Variants in CASKIN1 observed in about 807,000 individuals in gnomAD.
CASKIN1 encodes caskin-1.
CASKIN1 carries 42 observed loss-of-function variants against 117.5 expected under a neutral mutation model. The observed-to-expected ratio is 0.36, with a 90% confidence interval of 0.28 to 0.46. The LOEUF (loss-of-function observed/expected upper bound fraction) is 0.46, where lower values mean the gene tolerates loss of function less well. Ranked by LOEUF, CASKIN1 falls within the 20% of genes least tolerant of loss-of-function variation. CASKIN1 has a pLI of 1.00. For missense variants in CASKIN1, 2,083 were observed against 2,077.3 expected, an observed-to-expected ratio of 1.00 and a Z score of -0.05; for synonymous variants, 1,148 against 961.7, an observed-to-expected ratio of 1.19 and a Z score of -3.59.
rs2093186809 is a variant in CASKIN1, at chr16:2,186,995, C to T, written c.913G>A (p.Ala305Thr). 1 of 1,613,826 alleles carries T rather than the reference C, an allele frequency of 6.2e-7. No homozygotes were observed. The highest frequency in any genetic ancestry group is 8.5e-7 in the Non-Finnish European group (1 of 1,179,914). The change falls in exon 9 of 20, where the codon GCA becomes ACA. Residue 305 changes from alanine to threonine, a missense_variant. Ala to Thr is a moderately conservative substitution (Grantham distance 58). Coordinates refer to ENST00000343516, the MANE Select transcript of CASKIN1 (RefSeq NM_020764.4). The part of the protein sequence containing the change: ...NYDLTSLNVK[A>T]GDIITVLEQH... ...ATGCTTACTGTGATGATGTCCCCTG[C>T]CTTCACGTTGAGGCTGGTCAGGTCG...
At chr16:2,194,012 G>A (rs1487058493) in intron 1 of CASKIN1, among the ~76,000 whole-genome samples, 4 of 152,046 alleles carry the variant, frequency 2.6e-5, no homozygotes, top group East Asian at 1.9e-4. Flanking sequence ...CCCTCTCCAC[G>A]AGGTCCCTAA....
chr16:2,186,002 G>C (rs915759897), intron 10 of CASKIN1, among the ~76,000 whole-genome samples: 2 of 151,730 alleles, frequency 1.3e-5, no homozygotes, highest in African/African-American at 4.8e-5. Flanking sequence ...TTTTTTTTGA[G>C]ACAGGGTCTT....
chr16:2,195,032 C>T (rs1308416875), intron 1 of CASKIN1, among the ~76,000 whole-genome samples: 2 of 152,230 alleles, frequency 1.3e-5, no homozygotes, highest in Non-Finnish European at 2.9e-5. Context: ...CAAGGTCATG[C>T]GGCCACTAGG....
In CASKIN1 at chr16:2,187,269, C is replaced by T; in HGVS notation, c.732G>A (p.Gly244=). 5 of 1,614,042 alleles carry T rather than the reference C, an allele frequency of 3.1e-6. No individual in the cohort carries two copies. Among genetic ancestry groups the T allele is most frequent in the Non-Finnish European group, 4.2e-6 (5 of 1,179,962 alleles). ...TEVVRLLLDS[G]INAHVRNTYS... ...AGGTGTTCCTCACGTGGGCATTGAT[C>T]CCGCTCTGCACATGTGAGAGATGAG... The change falls in exon 8 of 20, where the codon GGG becomes GGA. Residue 244 remains glycine (G), a synonymous_variant. Transcript: ENST00000343516.
At chr16:2,188,808 G>A (rs976374135) in intron 6 of CASKIN1, 22 of 595,538 alleles carry the variant, frequency 3.7e-5, no homozygotes, top group Non-Finnish European at 5.7e-5. Context: ...ACCCAGGAGC[G>A]GTGGGGCTGG....
At chr16:2,193,865 A>T (rs529090064) in intron 1 of CASKIN1, among the ~76,000 whole-genome samples, 1 of 152,206 alleles carries the variant, frequency 6.6e-6, no homozygotes, top group Admixed American at 6.5e-5. Context: ...GACAGTGGGT[A>T]CCCAGGAAGG....
chr16:2,193,199 T>C (rs1000755858), intron 1 of CASKIN1, among the ~76,000 whole-genome samples: 5 of 152,112 alleles, frequency 3.3e-5, no homozygotes, highest in African/African-American at 1.2e-4. Context: ...GTATTTTTAG[T>C]AGAGACGGGG....
intron 10 of CASKIN1, among the ~76,000 whole-genome samples, 192 bp downstream of exon 10, chr16:2,186,515 A>G (rs1312114580): frequency 6.6e-6 from 1 of 152,170 alleles, no homozygotes; most frequent in Non-Finnish European, 1.5e-5. Flanking sequence ...TGCTTGGTAG[A>G]ACGCATAAAG....
chr16:2,179,904 T>A lies in CASKIN1; in HGVS notation c.3464A>T (p.Lys1155Met), dbSNP rs745588153. The A allele has an allele frequency of 1.2e-6, 2 of 1,605,710 alleles. No individual in the cohort carries two copies. The highest frequency in any genetic ancestry group is 1.3e-5 in the African/African-American group (1 of 74,822). Residue 1155 changes from lysine (K) to methionine (M), a missense_variant, in exon 18 of 20, where the codon AAG becomes ATG. By Grantham distance (95) the Lys-to-Met change is moderately conservative. This residue lies in a region of CASKIN1 where 1,818 missense variants were observed against 1,688.9 expected (regional missense o/e 1.08). Transcript: ENST00000343516. The surrounding 1 kb of genome is among the most constrained non-coding windows in gnomAD (Gnocchi z 5.8). ...SDTVKRRPKA[K>M]EREAGPEPPP... Reference sequence around the variant, plus strand: ...TGGCTCAGGCCCGGCCTCCCGCTCCTTGGCCTTGGGCCTGCGCTTGACCGT... The same window carrying A: ...TGGCTCAGGCCCGGCCTCCCGCTCCATGGCCTTGGGCCTGCGCTTGACCGT...
intron 14 of CASKIN1, 107 bp from the exon 15 acceptor site, chr16:2,184,048 G>T: frequency 1.5e-6 from 1 of 686,318 alleles, no homozygotes; most frequent in African/African-American, 1.8e-5. Context: ...CACTGCGTCC[G>T]CCGTCCGCTG....
At chr16:2,193,371 T>G (rs533683699) in intron 1 of CASKIN1, among the ~76,000 whole-genome samples, 113 of 152,316 alleles carry the variant, frequency 7.4e-4, no homozygotes, top group Admixed American at 3.9e-3. Flanking sequence ...CATGGGGACC[T>G]GGGAATTATG....
intron 6 of CASKIN1, 28 bp downstream of exon 6, chr16:2,188,999 C>T: frequency 6.3e-7 from 1 of 1,599,650 alleles, no homozygotes; most frequent in Non-Finnish European, 8.5e-7. Flanking sequence ...GACCCTAAGG[C>T]TGAGGCCCTC....
intron 1 of CASKIN1, 66 bp from the exon 2 acceptor site, chr16:2,190,424 G>A (rs1439714580): frequency 6.9e-7 from 1 of 1,441,038 alleles, no homozygotes; most frequent in Non-Finnish European, 9.5e-7. Context: ...CTGAGGGCAG[G>A]GAGAGGGGGC....
Position 2,196,264 on chromosome 16 carries a change from G to A in CASKIN1, c.94+75C>T, listed in dbSNP as rs2093215683. On this transcript the variant is annotated intron_variant, in intron 1 of 19. Transcript: ENST00000343516. The surrounding 1 kb of genome is among the most constrained non-coding windows in gnomAD (Gnocchi z 5.7). ...CCCGACAACGTCCCCTCCCCGCCCG[G>A]CGCCGGGTGGGGGGCTCCGCGCCGG... 1 of 580,812 alleles carries A rather than the reference G, an allele frequency of 1.7e-6. No homozygotes were observed. 36.0% of individuals were successfully genotyped at this position (580,812 alleles called of 1,614,324 possible). A position where few individuals can be genotyped will look rare whatever the true frequency, so the allele number is the denominator to read the frequency against.
chr16:2,184,800 G>T lies in CASKIN1; in HGVS notation c.1393C>A (p.Leu465Met). The change falls in exon 14 of 20, where the codon CTG (leucine) becomes ATG (methionine). Residue 465 changes from leucine (L) to methionine (M), a missense_variant. By Grantham distance (15) the Leu-to-Met change is conservative. Transcript: ENST00000343516. ...ACCTTGCCCTCCGATGCTGGCTCCA[G>T]CTTCTTGGGCGGCTGCTCCCCATAG... ...QVYGEQPPKK[L>M]EPASEGKSSE... 1 of 1,532,760 alleles carries T rather than the reference G, an allele frequency of 6.5e-7. No individual in the cohort carries two copies. Among genetic ancestry groups the T allele is most frequent in the Non-Finnish European group, 8.8e-7 (1 of 1,139,768 alleles). 94.9% of individuals were successfully genotyped at this position (1,532,760 alleles called of 1,614,324 possible). A position where few individuals can be genotyped will look rare whatever the true frequency, so the allele number is the denominator to read the frequency against.
chr16:2,181,141 G>C lies in CASKIN1; in HGVS notation c.2227C>G (p.Arg743Gly), dbSNP rs763636003. ...PAPGTPPREA[R>G]PGRHGHSIKR... ...ATGCTGTGGCCGTGGCGGCCGGGCC[G>C]GGCCTCCCTGGGCGGGGTGCCGGGG... is the stretch of plus-strand genomic sequence containing the variant. Residue 743 changes from arginine (R) to glycine (G), a missense_variant, in exon 18 of 20, where the codon CGG becomes GGG. Physicochemically the swap from Arg to Gly is moderately radical, Grantham distance 125. Transcript: ENST00000343516. The C allele has an allele frequency of 6.7e-7, 1 of 1,482,382 alleles. No homozygotes were observed. Among genetic ancestry groups the C allele is most frequent in the Non-Finnish European group, 8.9e-7 (1 of 1,126,152 alleles). 91.8% of individuals were successfully genotyped at this position (1,482,382 alleles called of 1,614,324 possible). A position where few individuals can be genotyped will look rare whatever the true frequency, so the allele number is the denominator to read the frequency against.
chr16:2,180,521 TG>T lies in CASKIN1; in HGVS notation c.2846del (p.Pro949HisfsTer53). On this transcript the variant is annotated frameshift_variant, in exon 18 of 20. Coordinates refer to ENST00000343516, the MANE Select transcript of CASKIN1 (RefSeq NM_020764.4). LOFTEE classifies it high-confidence loss of function. ...RPRKKGPPPPPPKRSSSALAS... is the reference protein window; with the variant it reads ...RPRKKGPPPPXPKRSSSALAS... ...CCAGGGCCGAGCTGGAGCGCTTGGGTGGGGGCGGCGGGGGCCCCTTCTTTCG... is the reference window on the plus strand; with the variant it reads ...CCAGGGCCGAGCTGGAGCGCTTGGGTGGGGCGGCGGGGGCCCCTTCTTTCG... The T allele has an allele frequency of 6.4e-7, 1 of 1,552,860 alleles. No individual in the cohort carries two copies. The highest frequency in any genetic ancestry group is 8.7e-7 in the Non-Finnish European group (1 of 1,155,438).
Position 2,181,618 on chromosome 16 carries a change from G to T in CASKIN1, c.1769-19C>A. ...TGGTGCCCTGAGTGGGGCGCAGGGGGCAGGTCAGGTGGACCAGGAGGCGGA... is the reference window on the plus strand; with the variant it reads ...TGGTGCCCTGAGTGGGGCGCAGGGGTCAGGTCAGGTGGACCAGGAGGCGGA... On this transcript the variant is annotated intron_variant, in intron 17 of 19. Transcript: ENST00000343516. 8 of 1,542,346 alleles carry T rather than the reference G, an allele frequency of 5.2e-6. No individual in the cohort carries two copies. The highest frequency in any genetic ancestry group is 7.0e-6 in the Non-Finnish European group (8 of 1,147,450).
chr16:2,178,396 G>C lies in CASKIN1; in HGVS notation c.*154C>G. The C allele has an allele frequency of 4.0e-6, 2 of 495,672 alleles. No individual in the cohort carries two copies. The highest frequency in any genetic ancestry group is 6.9e-6 in the Non-Finnish European group (2 of 291,968). 30.7% of individuals were successfully genotyped at this position (495,672 alleles called of 1,614,324 possible). A position where few individuals can be genotyped will look rare whatever the true frequency, so the allele number is the denominator to read the frequency against. Reference sequence around the variant, plus strand: ...TGGAGCCCCCGGCCAGGCGGTCCCCGGTGGGCGCCCCGGCCCGGGTCCAGG... The same window carrying C: ...TGGAGCCCCCGGCCAGGCGGTCCCCCGTGGGCGCCCCGGCCCGGGTCCAGG... On this transcript the variant is annotated 3_prime_UTR_variant, in exon 20 of 20. Coordinates refer to ENST00000343516, the MANE Select transcript of CASKIN1 (RefSeq NM_020764.4).
Sources: gnomAD v4.1 joint callset for allele counts (sites outside exome capture counted in the v4.1 genomes callset) on GRCh38, gnomAD v4.1.1 for gene constraint, gnomAD v4.1.1 regional missense constraint, Gnocchi (gnomAD v3.1) non-coding constraint, MANE v1.5 for transcripts, NCBI Gene and HGNC (gene_info 2026-07-23, HGNC 2026-07-21) for gene names.